The following INVS variants were observed in gnomAD, a reference collection of about 807,000 sequenced individuals.
INVS encodes inversin.
INVS carries 86 observed loss-of-function variants against 108.8 expected under a neutral mutation model. The observed-to-expected ratio is 0.79, with a 90% CI of 0.66 to 0.95. INVS has a LOEUF of 0.95. INVS is among the 40% of genes least tolerant of loss of function. The probability of loss-of-function intolerance (pLI) is 0.00; values close to 1 mark genes in which losing one functional copy is unlikely to be tolerated. For synonymous variants in INVS, 455 were observed against 473.5 expected (o/e 0.96, Z 0.51); for missense variants, 1,169 against 1,297.4 (o/e 0.90, Z 1.52).
chr9:100,282,563 T>C (rs999378891), intron 12 of INVS, among the ~76,000 whole-genome samples: 3 of 152,206 alleles, frequency 2.0e-5, no homozygotes, highest in Non-Finnish European at 4.4e-5. Flanking sequence ...GCTGGGGCTT[T>C]CCTGTCGCTT....
chr9:100,117,768 A>C (rs1827591234), intron 2 of INVS: 1 of 502,594 alleles, frequency 2.0e-6, no homozygotes, highest in South Asian at 3.3e-5. Context: ...TTCCTCCAAA[A>C]TTCATATGTT....
intron 2 of INVS, among the ~76,000 whole-genome samples, chr9:100,109,566 C>T (rs745660329): frequency 2.0e-5 from 3 of 152,212 alleles, no homozygotes; most frequent in Admixed American, 6.5e-5. Flanking sequence ...GCAGTGGTAT[C>T]GTGACCAGGA....
chr9:100,162,081 G>A (rs62578285), intron 3 of INVS, among the ~76,000 whole-genome samples: 5,888 of 152,206 alleles, frequency 0.039, 185 homozygotes, highest in Non-Finnish European at 0.055. Context: ...AAAGGAGCCG[G>A]AAATAATAGA....
At chr9:100,123,097 T>C (rs1407341734) in intron 2 of INVS, among the ~76,000 whole-genome samples, 1 of 152,246 alleles carries the variant, frequency 6.6e-6, no homozygotes, top group Non-Finnish European at 1.5e-5. Flanking sequence ...TTTGTAATGC[T>C]TTATTAAGAT....
chr9:100,185,557 A>ATATATG (rs1830033702), intron 3 of INVS, among the ~76,000 whole-genome samples: 1 of 121,392 alleles, frequency 8.2e-6, no homozygotes, highest in Non-Finnish European at 1.7e-5. Flanking sequence ...ATATATATAT[A>ATATATG]TTCATTTTAG....
chr9:100,100,902 TGTATATATA>T (rs1826918237), intron 1 of INVS, among the ~76,000 whole-genome samples: 1 of 50,734 alleles, frequency 2.0e-5, no homozygotes, highest in African/African-American at 1.3e-4. Context: ...ATATTATATA[TGTATATATA>T]TTATATGTAT....
intron 3 of INVS, among the ~76,000 whole-genome samples, chr9:100,133,140 T>G (rs1206772865): frequency 6.6e-6 from 1 of 152,088 alleles, no homozygotes; most frequent in East Asian, 1.9e-4. Context: ...AATGGAGAAC[T>G]GAGAAAACAT....
At chr9:100,146,885 G>A (rs763258137) in intron 3 of INVS, among the ~76,000 whole-genome samples, 8 of 152,104 alleles carry the variant, frequency 5.3e-5, no homozygotes, top group South Asian at 2.1e-4. Context: ...TAGTGCTTCC[G>A]TCAACGTAGG....
At chr9:100,236,950 T>C (rs533716866) in intron 5 of INVS, among the ~76,000 whole-genome samples, 174 of 152,350 alleles carry the variant, frequency 1.1e-3, no homozygotes, top group Non-Finnish European at 2.1e-3. Flanking sequence ...CTGCTGAAGC[T>C]GTGCCCACAG....
intron 3 of INVS, among the ~76,000 whole-genome samples, chr9:100,197,678 A>G (rs977395981): frequency 2.0e-5 from 3 of 152,182 alleles, no homozygotes; most frequent in African/African-American, 7.2e-5. Context: ...GGTGTGATCT[A>G]ATTGTAATAG....
At chr9:100,185,516 A>ATAT (rs1224840527) in intron 3 of INVS, among the ~76,000 whole-genome samples, 17 of 110,850 alleles carry the variant, frequency 1.5e-4, no homozygotes, top group Non-Finnish European at 1.8e-4. Context: ...TATGCATAGA[A>ATAT]ATATATATAT....
intron 11 of INVS, among the ~76,000 whole-genome samples, chr9:100,267,160 T>C (rs1554728236): frequency 6.6e-6 from 1 of 152,198 alleles, no homozygotes; most frequent in Non-Finnish European, 1.5e-5. Flanking sequence ...ATGAAATTTT[T>C]TAACTCAATT....
intron 3 of INVS, among the ~76,000 whole-genome samples, chr9:100,145,686 A>G (rs918187325): frequency 6.6e-6 from 1 of 152,102 alleles, no homozygotes; most frequent in Admixed American, 6.5e-5. Flanking sequence ...GGACCAAGGC[A>G]GGCGTCCCCG....
At chr9:100,110,164 C>A (rs1564116734) in intron 2 of INVS, among the ~76,000 whole-genome samples, 1 of 152,192 alleles carries the variant, frequency 6.6e-6, no homozygotes, top group Middle Eastern at 3.2e-3. Context: ...GTTTATGCAT[C>A]CATCCTAACA....
At chr9:100,280,720 A>ATAAC (rs1490741981) in intron 12 of INVS, among the ~76,000 whole-genome samples, 1 of 152,214 alleles carries the variant, frequency 6.6e-6, no homozygotes, top group African/African-American at 2.4e-5. Flanking sequence ...ACATTTCATC[A>ATAAC]TAACTTAAGA....
In INVS at chr9:100,210,382, A is replaced by G. The variant is rs545756898; in HGVS notation, c.274-15680A>G. Among the ~76,000 whole-genome samples the G allele has an allele frequency of 2.0e-5, 3 of 152,344 alleles. No individual in the cohort carries two copies. In the South Asian group the frequency reaches 6.2e-4, roughly 32 times the overall value. On this transcript the variant is annotated intron_variant, in intron 3 of 16. Transcript: ENST00000262457. ...GGGAGTAAGATTTGAAGCTGTCTTT[A>G]TATAGCACTTTACATAAAATTCAGA...
intron 3 of INVS, among the ~76,000 whole-genome samples, chr9:100,170,382 C>T (rs1829497328): frequency 8.0e-6 from 1 of 124,726 alleles, no homozygotes; most frequent in Non-Finnish European, 1.6e-5. Context: ...CATAGTGAGA[C>T]CCTGTCTGTA....
chr9:100,297,062 G>C lies in INVS; in HGVS notation c.2932G>C (p.Ala978Pro). 1 of 1,613,970 alleles carries C rather than the reference G, an allele frequency of 6.2e-7. No homozygotes were observed. The highest frequency in any genetic ancestry group is 8.5e-7 in the Non-Finnish European group (1 of 1,179,978). The stretch of plus-strand genomic sequence containing the variant: ...GGAACTAAAATTCCCCCAAACCACT[G>C]CAGTAAGCAAGGCCCCCAAGAGTCC... ...ELELKFPQTT[A>P]VSKAPKSPSK... The change falls in exon 15 of 17, where the codon GCA becomes CCA. Residue 978 changes from alanine to proline, a missense_variant. Transcript: ENST00000262457.
chr9:100,115,300 TTA>T (rs56674173), intron 2 of INVS, among the ~76,000 whole-genome samples: 28,110 of 150,246 alleles, frequency 0.19, 4,199 homozygotes, highest in African/African-American at 0.42. Flanking sequence ...TATTTTTATT[TTA>T]TATATATATA....
Sources: allele counts gnomAD v4.1 joint callset (sites outside exome capture counted in the v4.1 genomes callset), GRCh38; gene constraint gnomAD v4.1.1; transcripts MANE v1.5; gene names NCBI Gene and HGNC (gene_info 2026-07-23, HGNC 2026-07-21).